Variants in LRFN5 observed in about 807,000 individuals in gnomAD.
LRFN5 encodes leucine rich repeat and fibronectin type III domain containing 5.
A neutral mutation model predicts 45.6 loss-of-function variants in LRFN5; 24 were observed. That is an observed-to-expected ratio of 0.53 (90% confidence interval 0.38 to 0.74). The LOEUF is 0.74. Among genes scored for constraint, LRFN5 ranks in the 30% least tolerant of loss-of-function variants. LRFN5 has a pLI of 0.00. For missense variants in LRFN5, 776 were observed against 861.5 expected, an observed-to-expected ratio of 0.90 and a Z score of 1.24; for synonymous variants, 340 against 313.8, an observed-to-expected ratio of 1.08 and a Z score of -0.88.
rs1196322113 is a variant in LRFN5 at position 41,670,215 on chromosome 14, GTA to G, written c.-197+61661_-197+61662del. On this transcript the variant is annotated intron_variant, in intron 1 of 5. Coordinates refer to ENST00000298119, the MANE Select transcript of LRFN5 (RefSeq NM_152447.5). The stretch of plus-strand genomic sequence containing the variant: ...ATATATACATTCTCTGTGTGTGTGT[GTA>G]TATATATGTATACACACACACACAC... 7.3e-3 allele frequency among the ~76,000 whole-genome samples: 828 copies of G among 113,372 alleles called. 24 individuals carry two copies. Among genetic ancestry groups the G allele is most frequent in the African/African-American group, 0.025 (766 of 30,562 alleles). The allele number at this position is 113,372 out of a possible 152,430, so 74.4% of individuals were successfully genotyped here.
chr14:41,680,693 A>G (rs1378928804), intron 1 of LRFN5, among the ~76,000 whole-genome samples: 2 of 152,110 alleles, frequency 1.3e-5, no homozygotes, highest in Non-Finnish European at 2.9e-5. Context: ...ACTATAATAA[A>G]TACTTAACTC....
intron 1 of LRFN5, among the ~76,000 whole-genome samples, chr14:41,609,855 C>T (rs950073226): frequency 6.6e-6 from 1 of 152,142 alleles, no homozygotes; most frequent in Non-Finnish European, 1.5e-5. Flanking sequence ...TGTAGGGGCG[C>T]TGCCTGATTT....
chr14:41,650,273 A>C (rs1240668641), intron 1 of LRFN5, among the ~76,000 whole-genome samples: 47 of 91,412 alleles, frequency 5.1e-4, no homozygotes, highest in East Asian at 8.3e-4. Flanking sequence ...ACACAAAAAA[A>C]AAAAAGATAC....
At chr14:41,733,106 A>AACAT (rs145200924) in intron 1 of LRFN5, among the ~76,000 whole-genome samples, 6,770 of 152,000 alleles carry the variant, frequency 0.045, 331 homozygotes, top group African/African-American at 0.12. Context: ...CAAGGAGACC[A>AACAT]ACACATTTTG....
chr14:41,881,474 T>C (rs1890379081), intron 2 of LRFN5, among the ~76,000 whole-genome samples: 1 of 152,036 alleles, frequency 6.6e-6, no homozygotes, highest in African/African-American at 2.4e-5. Flanking sequence ...ATCTTTATAT[T>C]TAGTTTTCAG....
At chr14:41,704,201 T>A (rs1025017082) in intron 1 of LRFN5, among the ~76,000 whole-genome samples, 1 of 152,136 alleles carries the variant, frequency 6.6e-6, no homozygotes, top group African/African-American at 2.4e-5. Context: ...TATATTTCTC[T>A]AATATGGAGG....
chr14:41,848,014 C>T (rs1889128440), intron 2 of LRFN5, among the ~76,000 whole-genome samples: 1 of 152,134 alleles, frequency 6.6e-6, no homozygotes, highest in Non-Finnish European at 1.5e-5. Flanking sequence ...AGTTTACTTT[C>T]ACTTCTGTCC....
At chr14:41,685,409 A>G (rs1870751529) in intron 1 of LRFN5, among the ~76,000 whole-genome samples, 1 of 152,156 alleles carries the variant, frequency 6.6e-6, no homozygotes, top group Non-Finnish European at 1.5e-5. Context: ...CATGCCTATT[A>G]CCAGACAAAC....
chr14:41,808,585 G>C (rs958003437), intron 2 of LRFN5, among the ~76,000 whole-genome samples: 14 of 134,568 alleles, frequency 1.0e-4, no homozygotes, highest in East Asian at 5.1e-4. Flanking sequence ...AAGGAAGGAA[G>C]GAAGGAAGGA....
chr14:41,734,573 T>C (rs1252166353), intron 1 of LRFN5, among the ~76,000 whole-genome samples: 1 of 151,066 alleles, frequency 6.6e-6, no homozygotes, highest in African/African-American at 2.4e-5. Context: ...AAGCTTCTTA[T>C]AAGCAGTATA....
At chr14:41,667,786 C>G (rs574897537) in intron 1 of LRFN5, among the ~76,000 whole-genome samples, 1 of 152,080 alleles carries the variant, frequency 6.6e-6, no homozygotes, top group Non-Finnish European at 1.5e-5. Flanking sequence ...AGATTGGATC[C>G]TATTCTTCCC....
chr14:41,674,494 C>T (rs1278004501), intron 1 of LRFN5, among the ~76,000 whole-genome samples: 16 of 136,216 alleles, frequency 1.2e-4, no homozygotes, highest in East Asian at 2.4e-4. Context: ...GGTGGCTGGC[C>T]GGGCGGGGGG....
chr14:41,723,726 G>T lies in LRFN5; in HGVS notation c.-196-43128G>T, dbSNP rs180871740. On this transcript the variant is annotated intron_variant, in intron 1 of 5. Coordinates refer to ENST00000298119, the MANE Select transcript of LRFN5 (RefSeq NM_152447.5). ...CCTGTCCCAGGCCTGTGACCATGGA[G>T]AGCACAATTCTAGCACCTACTACTG... 3.9e-5 allele frequency among the ~76,000 whole-genome samples: 6 copies of T among 152,200 alleles called. 1 individual carries two copies. The highest frequency in any genetic ancestry group is 2.0e-4 in the Admixed American group (3 of 15,278).
intron 2 of LRFN5, among the ~76,000 whole-genome samples, chr14:41,768,235 T>C (rs2099458997): frequency 6.6e-6 from 1 of 152,156 alleles, no homozygotes; most frequent in African/African-American, 2.4e-5. Flanking sequence ...ATGTATCTAA[T>C]TATATAACAT....
At chr14:41,797,248 A>C (rs1379855616) in intron 2 of LRFN5, among the ~76,000 whole-genome samples, 1 of 151,660 alleles carries the variant, frequency 6.6e-6, no homozygotes, top group Admixed American at 6.6e-5. Context: ...TTTTGAAATT[A>C]TTTATTTATT....
intron 1 of LRFN5, among the ~76,000 whole-genome samples, chr14:41,650,419 G>T (rs931574721): frequency 3.3e-5 from 5 of 152,102 alleles, no homozygotes; most frequent in Non-Finnish European, 7.3e-5. Flanking sequence ...TAGGTGAAAT[G>T]GTTGAGGTCA....
rs148144373 is a variant in LRFN5, at chr14:41,851,849, G to C, written c.-20-34757G>C. ...ATAATTAATAAACCAATATTAATGG[G>C]TCTGTTTGGTCTGTGGCACTTGAGA... is the stretch of plus-strand genomic sequence containing the variant. On this transcript the variant is annotated intron_variant, in intron 2 of 5. Coordinates refer to ENST00000298119, the MANE Select transcript of LRFN5 (RefSeq NM_152447.5). 7.1e-4 allele frequency among the ~76,000 whole-genome samples: 107 copies of C among 151,768 alleles called. 1 individual carries two copies. Among genetic ancestry groups the C allele is most frequent in the African/African-American group, 1.9e-3 (78 of 41,506 alleles).
intron 1 of LRFN5, among the ~76,000 whole-genome samples, chr14:41,659,067 T>C (rs1489435159): frequency 1.3e-5 from 2 of 152,098 alleles, no homozygotes; most frequent in Non-Finnish European, 2.9e-5. Context: ...TTTATTATTA[T>C]TATACTTTAA....
intron 1 of LRFN5, among the ~76,000 whole-genome samples, chr14:41,744,077 G>A (rs1159855663): frequency 6.6e-6 from 1 of 152,054 alleles, no homozygotes; most frequent in Admixed American, 6.6e-5. Context: ...AAAGCTACTG[G>A]GTGCAGTACC....
Sources: gnomAD v4.1 joint callset for allele counts (sites outside exome capture counted in the v4.1 genomes callset) on GRCh38, gnomAD v4.1.1 for gene constraint, MANE v1.5 for transcripts, NCBI Gene and HGNC (gene_info 2026-07-23, HGNC 2026-07-21) for gene names.